TMEM168: variants seen among roughly 807,000 people sequenced by gnomAD.
TMEM168 encodes transmembrane protein 168.
Under a neutral mutation model 53.2 loss-of-function variants are expected in TMEM168, and 40 were observed. That is an observed-to-expected ratio of 0.75 (90% CI 0.58 to 0.98). TMEM168 has a LOEUF of 0.98. Among genes scored for constraint, TMEM168 ranks in the 50% least tolerant of loss-of-function variants. The pLI is 0.00. For synonymous variants in TMEM168, 282 were observed against 293.0 expected (o/e 0.96, Z 0.38); for missense variants, 771 against 828.8 (o/e 0.93, Z 0.86).
chr7:112,782,698 A>G (rs1793263726), intron 2 of TMEM168, among the ~76,000 whole-genome samples: 1 of 152,122 alleles, frequency 6.6e-6, no homozygotes, highest in Admixed American at 6.5e-5. Flanking sequence ...TCCCTCTTCA[A>G]AACACACTTC....
At chr7:112,777,427 T>C (rs1460038912) in intron 2 of TMEM168, among the ~76,000 whole-genome samples, 2 of 152,170 alleles carry the variant, frequency 1.3e-5, no homozygotes, top group African/African-American at 4.8e-5. Context: ...TGGTCTCTCT[T>C]CTTCTGTTCT....
Position 112,767,238 on chromosome 7 carries a change from C to T in TMEM168, c.2053G>A (p.Val685Met). 1.9e-6 allele frequency: 3 copies of T among 1,614,052 alleles called. No homozygotes were observed. Among genetic ancestry groups the T allele is most frequent in the Non-Finnish European group, 1.7e-6 (2 of 1,179,970 alleles). ...TTGAAGCCTTGTCCTGTGTCCAGCACAGTAGGAAGAAACCAACTCATTTTT... is the reference window on the plus strand; with the variant it reads ...TTGAAGCCTTGTCCTGTGTCCAGCATAGTAGGAAGAAACCAACTCATTTTT... ...RLKMSWFLPTVLDTGQGFKLV... is the reference protein window; with the variant it reads ...RLKMSWFLPTMLDTGQGFKLV... The change falls in exon 5 of 5, where the codon GTG becomes ATG. Residue 685 changes from valine (V) to methionine (M), a missense_variant. Val to Met is a conservative substitution (Grantham distance 21). Coordinates refer to ENST00000312814, the MANE Select transcript of TMEM168 (RefSeq NM_022484.6).
At chr7:112,787,795 CG>C (rs2116317238) in intron 1 of TMEM168, among the ~76,000 whole-genome samples, 1 of 126,028 alleles carries the variant, frequency 7.9e-6, no homozygotes, top group South Asian at 2.8e-4. Flanking sequence ...TACAATGGAG[CG>C]ATCTCGGCTC....
At position 112,766,713 on chromosome 7, in the gene TMEM168, G is replaced by A. The variant is rs868728062; in HGVS notation, c.*484C>T. 6.5e-6 allele frequency: 1 copy of A among 153,234 alleles called. No individual in the cohort carries two copies. The highest frequency in any genetic ancestry group is 2.4e-5 in the African/African-American group (1 of 41,454). The allele number at this position is 153,234 out of a possible 1,614,324, so 9.5% of individuals were successfully genotyped here. A position where few individuals can be genotyped will look rare whatever the true frequency, so the allele number is the denominator to read the frequency against. ...AGGCTGCCCTCTTTCTTTTCTAAGA[G>A]AAAGAGTTTGCAGTTCTTCAAATGG... On this transcript the variant is annotated 3_prime_UTR_variant, in exon 5 of 5. Transcript: ENST00000312814.
At chr7:112,771,793 C>T (rs1224470509) in intron 4 of TMEM168, among the ~76,000 whole-genome samples, 2 of 151,718 alleles carry the variant, frequency 1.3e-5, no homozygotes, top group East Asian at 3.9e-4. Flanking sequence ...TGAATGTTTC[C>T]ACTTTATTTA....
At position 112,790,343 on chromosome 7, in the gene TMEM168, C is replaced by G. The variant is rs1237673530; in HGVS notation, c.-312G>C. 1.3e-5 allele frequency: 2 copies of G among 152,312 alleles called. No individual in the cohort carries two copies. Among genetic ancestry groups the G allele is most frequent in the Non-Finnish European group, 2.9e-5 (2 of 68,100 alleles). 9.4% of individuals were successfully genotyped at this position (152,312 alleles called of 1,614,324 possible). ...ACAGGCCAGTGTCGGCGTAAACTTT[C>G]TCCGTTACCGGCCCGGCCGCGACCG... On this transcript the variant is annotated 5_prime_UTR_variant, in exon 1 of 5. Transcript: ENST00000312814.
rs1792692603 is a variant in TMEM168 at position 112,762,677 on chromosome 7, G to C, written c.*4520C>G. ...ATTTTTAAAATCAAAATGGCTTTTAGGTATTGAATATTTCAAAGCAAAAAA... is the reference window on the plus strand; with the variant it reads ...ATTTTTAAAATCAAAATGGCTTTTACGTATTGAATATTTCAAAGCAAAAAA... On this transcript the variant is annotated 3_prime_UTR_variant, in exon 5 of 5. Coordinates refer to ENST00000312814, the MANE Select transcript of TMEM168 (RefSeq NM_022484.6). 1 of 151,942 alleles carries C rather than the reference G, an allele frequency of 6.6e-6. No individual in the cohort carries two copies. The highest frequency in any genetic ancestry group is 2.1e-4 in the South Asian group (1 of 4,830). 9.4% of individuals were successfully genotyped at this position (151,942 alleles called of 1,614,324 possible). A position where few individuals can be genotyped will look rare whatever the true frequency, so the allele number is the denominator to read the frequency against.
At chr7:112,777,831 T>C (rs1793126616) in intron 2 of TMEM168, among the ~76,000 whole-genome samples, 1 of 151,788 alleles carries the variant, frequency 6.6e-6, no homozygotes. Flanking sequence ...ATAATTCCAA[T>C]ACCTAAAGAT....
chr7:112,768,015 G>A (rs1376145518), intron 4 of TMEM168, among the ~76,000 whole-genome samples: 9 of 152,036 alleles, frequency 5.9e-5, no homozygotes, highest in Non-Finnish European at 1.3e-4. Context: ...ATAAAATTAA[G>A]GAAATAGTTT....
intron 2 of TMEM168, among the ~76,000 whole-genome samples, chr7:112,780,258 G>A (rs1036425701): frequency 1.6e-4 from 24 of 152,186 alleles, no homozygotes; most frequent in Non-Finnish European, 2.8e-4. Flanking sequence ...TATGTCATGA[G>A]CTTATTCTGT....
intron 2 of TMEM168, among the ~76,000 whole-genome samples, chr7:112,782,693 C>G (rs547582941): frequency 1.4e-4 from 22 of 152,296 alleles, no homozygotes; most frequent in African/African-American, 5.3e-4. Context: ...ACATCTCCCT[C>G]TTCAAAACAC....
intron 1 of TMEM168, among the ~76,000 whole-genome samples, chr7:112,787,498 TCTGA>T (rs1348318215): frequency 5.3e-5 from 8 of 152,072 alleles, no homozygotes; most frequent in Admixed American, 5.2e-4. Context: ...TCCTGCAACC[TCTGA>T]CTATCGGGTT....
chr7:112,770,630 G>A (rs1008366650), intron 4 of TMEM168, among the ~76,000 whole-genome samples: 1 of 151,890 alleles, frequency 6.6e-6, no homozygotes, highest in African/African-American at 2.4e-5. Flanking sequence ...GTTTATCTTA[G>A]TGTTTTTACT....
At chr7:112,776,752 GTA>G (rs752963278) in intron 2 of TMEM168, among the ~76,000 whole-genome samples, 26 of 149,868 alleles carry the variant, frequency 1.7e-4, no homozygotes, top group Admixed American at 3.3e-4. Flanking sequence ...ATATTCATGT[GTA>G]TGTTTTTTTT....
intron 1 of TMEM168, among the ~76,000 whole-genome samples, 197 bp downstream of exon 1, chr7:112,789,963 G>C (rs1013049540): frequency 6.6e-6 from 1 of 152,200 alleles, no homozygotes; most frequent in African/African-American, 2.4e-5. Context: ...CAGTTGAGGG[G>C]GAACCCTTGC....
intron 2 of TMEM168, among the ~76,000 whole-genome samples, chr7:112,783,152 C>T (rs191854593): frequency 6.6e-6 from 1 of 152,184 alleles, no homozygotes. Flanking sequence ...CCCATGTTTT[C>T]TTTCTTAGGA....
chr7:112,784,028 T>C lies in TMEM168; in HGVS notation c.798A>G (p.Ser266=). 6.2e-7 allele frequency: 1 copy of C among 1,613,132 alleles called. No homozygotes were observed. Among genetic ancestry groups the C allele is most frequent in the South Asian group, 1.1e-5 (1 of 90,520 alleles). The stretch of plus-strand genomic sequence containing the variant: ...GCTCAATCATTCCAGCAAAAACGAC[T>C]GAAAGTCTTCTGCAAATTCTTCCAC... ...LYRGRICRRL[S]VVFAGMIELT... Residue 266 remains serine (S), a synonymous_variant, in exon 2 of 5, where the codon TCA becomes TCG. Transcript: ENST00000312814.
intron 1 of TMEM168, among the ~76,000 whole-genome samples, chr7:112,787,044 C>T (rs1032740276): frequency 6.6e-6 from 1 of 152,156 alleles, no homozygotes; most frequent in South Asian, 2.1e-4. Context: ...TCCGCCTCTT[C>T]TAGAACATCA....
intron 4 of TMEM168, 84 bp from the exon 5 acceptor site, chr7:112,767,828 A>T: frequency 8.0e-7 from 1 of 1,246,552 alleles, no homozygotes; most frequent in Non-Finnish European, 1.1e-6. Context: ...TCTTCTAGAG[A>T]GAAAATACTC....
Sources: gnomAD v4.1 joint callset for allele counts (sites outside exome capture counted in the v4.1 genomes callset) on GRCh38, gnomAD v4.1.1 for gene constraint, MANE v1.5 for transcripts, NCBI Gene and HGNC (gene_info 2026-07-23, HGNC 2026-07-21) for gene names.